Variants in PCDH9 observed in about 807,000 individuals in gnomAD.
PCDH9 encodes the protein protocadherin 9.
In PCDH9, 24 loss-of-function variants were observed where a neutral mutation model predicts 70.6. The ratio of observed to expected loss-of-function variants is 0.34; its 90% confidence interval spans 0.25 to 0.48. The LOEUF is 0.48. Among genes scored for constraint, PCDH9 ranks in the 20% least tolerant of loss-of-function variants. The probability of loss-of-function intolerance (pLI) is 0.99; values close to 1 mark genes in which losing one functional copy is unlikely to be tolerated. For synonymous variants in PCDH9, 562 were observed against 558.5 expected (o/e 1.01, Z -0.09); for missense variants, 1,281 against 1,503.6 (o/e 0.85, Z 2.45).
At chr13:66,755,289 A>G (rs1736077845) in intron 3 of PCDH9, among the ~76,000 whole-genome samples, 1 of 152,202 alleles carries the variant, frequency 6.6e-6, no homozygotes, top group Non-Finnish European at 1.5e-5. Flanking sequence ...GTGGATATTA[A>G]CTACATCACA....
intron 4 of PCDH9, among the ~76,000 whole-genome samples, chr13:66,438,923 G>A (rs536057752): frequency 1.3e-5 from 2 of 152,270 alleles, no homozygotes; most frequent in South Asian, 2.1e-4. Flanking sequence ...AAGATGATAG[G>A]AAAGGATAGG....
At chr13:66,771,366 TC>T (rs1225880259) in intron 3 of PCDH9, among the ~76,000 whole-genome samples, 1 of 152,202 alleles carries the variant, frequency 6.6e-6, no homozygotes, top group East Asian at 1.9e-4. Flanking sequence ...ATTTCTTCCT[TC>T]CTTCTAATCT....
chr13:66,467,766 C>G (rs918321335), intron 4 of PCDH9, among the ~76,000 whole-genome samples: 2 of 152,034 alleles, frequency 1.3e-5, no homozygotes, highest in Non-Finnish European at 2.9e-5. Context: ...AACCCTAAGT[C>G]CTACTCCAAT....
At chr13:66,956,055 T>C (rs1247937022) in intron 2 of PCDH9, among the ~76,000 whole-genome samples, 7 of 151,984 alleles carry the variant, frequency 4.6e-5, no homozygotes. Flanking sequence ...TGAGCTGAGA[T>C]TGCACCATTG....
chr13:66,844,222 A>G (rs866511319), intron 3 of PCDH9, among the ~76,000 whole-genome samples: 23 of 152,306 alleles, frequency 1.5e-4, no homozygotes, highest in Admixed American at 5.9e-4. Flanking sequence ...AGTTTCTAGC[A>G]TGAATCAGTG....
intron 4 of PCDH9, among the ~76,000 whole-genome samples, chr13:66,428,831 AG>A (rs1957718423): frequency 6.6e-6 from 1 of 151,842 alleles, no homozygotes; most frequent in African/African-American, 2.4e-5. Context: ...TAACTCAAAC[AG>A]AAATTAAAGT....
intron 4 of PCDH9, among the ~76,000 whole-genome samples, chr13:66,566,828 T>A (rs530192839): frequency 3.9e-5 from 6 of 152,018 alleles, no homozygotes; most frequent in South Asian, 2.1e-4. Context: ...GCTTAAATTT[T>A]TGATGCATTC....
Position 66,304,881 on chromosome 13 carries a change from G to A in PCDH9, c.3488C>T (p.Pro1163Leu), listed in dbSNP as rs980487804. 1 of 1,613,470 alleles carries A rather than the reference G, an allele frequency of 6.2e-7. No individual in the cohort carries two copies. Among genetic ancestry groups the A allele is most frequent in the Non-Finnish European group, 8.5e-7 (1 of 1,179,752 alleles). The change falls in exon 5 of 5, where the codon CCC (proline) becomes CTC (leucine). Residue 1163 changes from proline to leucine, a missense_variant. Pro to Leu is a moderately conservative substitution (Grantham distance 98). Transcript: ENST00000377865. ...GTCCTTCTTCACCCATTCTTTCTGG[G>A]GTGCAAAGGTTGAGAGAGGAGATTT... ...HPKSPLSTFAPQKEWVKKDKL... is the reference protein window; with the variant it reads ...HPKSPLSTFALQKEWVKKDKL...
rs114888993 is a variant in PCDH9, at chr13:66,356,580, T to A, written c.3341-51552A>T. Reference sequence around the variant, plus strand: ...AAAATGAAGGGTTTTTAAACGTCTGTCATTATATCAACAACATTAATGTAG... The same window carrying A: ...AAAATGAAGGGTTTTTAAACGTCTGACATTATATCAACAACATTAATGTAG... On this transcript the variant is annotated intron_variant, in intron 4 of 4. Coordinates refer to ENST00000377865, the MANE Select transcript of PCDH9 (RefSeq NM_203487.3). Among the ~76,000 whole-genome samples the A allele has an allele frequency of 7.0e-3, 1,068 of 152,194 alleles. 10 individuals are homozygous for A. Among genetic ancestry groups the A allele is most frequent in the African/African-American group, 0.024 (1,012 of 41,550 alleles).
intron 3 of PCDH9, among the ~76,000 whole-genome samples, chr13:66,751,457 A>G (rs922855016): frequency 2.0e-5 from 3 of 152,206 alleles, no homozygotes; most frequent in African/African-American, 7.2e-5. Flanking sequence ...AGCCCCTCCT[A>G]CTATGAAAAT....
At chr13:66,789,702 A>G (rs969260837) in intron 3 of PCDH9, among the ~76,000 whole-genome samples, 1 of 152,104 alleles carries the variant, frequency 6.6e-6, no homozygotes, top group Non-Finnish European at 1.5e-5. Flanking sequence ...TGTTGGTCTT[A>G]CTAACATTTA....
intron 3 of PCDH9, among the ~76,000 whole-genome samples, chr13:66,717,451 C>CAAA (rs1246391058): frequency 5.9e-5 from 3 of 50,452 alleles, no homozygotes; most frequent in African/African-American, 3.2e-4. Flanking sequence ...GACTCTGTCT[C>CAAA]AAAAAAAAAA....
At chr13:66,909,761 T>C (rs2082428266) in intron 2 of PCDH9, among the ~76,000 whole-genome samples, 1 of 152,220 alleles carries the variant, frequency 6.6e-6, no homozygotes, top group African/African-American at 2.4e-5. Context: ...CCAACTGAAC[T>C]CTTGGCAGTT....
At chr13:66,873,542 A>C (rs565398293) in intron 3 of PCDH9, among the ~76,000 whole-genome samples, 7 of 152,284 alleles carry the variant, frequency 4.6e-5, no homozygotes, top group Non-Finnish European at 1.0e-4. Context: ...TTTGTCTTTC[A>C]ATACGTCAGG....
intron 4 of PCDH9, among the ~76,000 whole-genome samples, chr13:66,546,926 G>A (rs1961231756): frequency 6.6e-6 from 1 of 152,130 alleles, no homozygotes; most frequent in Non-Finnish European, 1.5e-5. Flanking sequence ...CCTAGCCTAG[G>A]AGCAAATTAG....
At chr13:66,395,012 T>C (rs1341959530) in intron 4 of PCDH9, among the ~76,000 whole-genome samples, 1 of 152,220 alleles carries the variant, frequency 6.6e-6, no homozygotes, top group Non-Finnish European at 1.5e-5. Context: ...CTCAAGGGTA[T>C]GTCCTCACAA....
intron 3 of PCDH9, among the ~76,000 whole-genome samples, chr13:66,792,846 G>A (rs1330009556): frequency 4.6e-5 from 7 of 152,122 alleles, no homozygotes; most frequent in African/African-American, 1.7e-4. Flanking sequence ...CTTAAGGATA[G>A]TGTGCCAAAA....
At chr13:66,862,668 A>C (rs2081504284) in intron 3 of PCDH9, among the ~76,000 whole-genome samples, 1 of 152,224 alleles carries the variant, frequency 6.6e-6, no homozygotes, top group Admixed American at 6.5e-5. Flanking sequence ...TCTGAAATGT[A>C]AACTGCTAAG....
At chr13:67,059,430 C>G (rs960088253) in intron 2 of PCDH9, among the ~76,000 whole-genome samples, 8 of 140,198 alleles carry the variant, frequency 5.7e-5, no homozygotes, top group African/African-American at 1.9e-4. Context: ...ATAGTATATA[C>G]TATATATAAT....
Sources: gnomAD v4.1 joint callset for allele counts (sites outside exome capture counted in the v4.1 genomes callset) on GRCh38, gnomAD v4.1.1 for gene constraint, MANE v1.5 for transcripts, NCBI Gene and HGNC (gene_info 2026-07-23, HGNC 2026-07-21) for gene names.